Variants in PODNL1 observed in about 807,000 individuals in gnomAD.
PODNL1 encodes the protein podocan like 1.
A neutral mutation model predicts 45.1 loss-of-function variants in PODNL1; 50 were observed. That is an observed-to-expected ratio of 1.11 (90% CI 0.88 to 1.40). PODNL1 has a LOEUF of 1.40. Among genes scored for constraint, PODNL1 ranks in the 40% most tolerant of loss-of-function variants. The probability of loss-of-function intolerance (pLI) is 0.00; values close to 1 mark genes in which losing one functional copy is unlikely to be tolerated. For synonymous variants in PODNL1, 406 were observed against 372.5 expected, an observed-to-expected ratio of 1.09 and a Z score of -1.04; for missense variants, 788 against 793.3, an observed-to-expected ratio of 0.99 and a Z score of 0.08.
At chr19:13,934,093 A>G in intron 6 of PODNL1, 100 bp from the exon 7 acceptor site, 1 of 1,388,568 alleles carries the variant, frequency 7.2e-7, no homozygotes, top group Non-Finnish European at 9.9e-7. Context: ...GCTTGCCTTG[A>G]GCTCAAAGCG....
chr19:13,936,447 T>C lies in PODNL1; in HGVS notation c.239A>G (p.Gln80Arg). ...GGACAGCTCATTGTAGGGGAGTTCC[T>C]GGAGCTGGTTGTTCTGCAGGGTGAG... ...QHLSLQNNQL[Q>R]ELPYNELSRL... Residue 80 changes from glutamine (Q) to arginine (R), a missense_variant, in exon 3 of 10, where the codon CAG (glutamine) becomes CGG (arginine). Gln to Arg is a conservative substitution (Grantham distance 43). Around this residue, in one of 3 missense-constraint regions of PODNL1, gnomAD observed 762 missense variants for 750.9 expected, o/e 1.01. Transcript: ENST00000588872. 6.2e-7 allele frequency: 1 copy of C among 1,613,174 alleles called. No homozygotes were observed. The highest frequency in any genetic ancestry group is 1.7e-5 in the Admixed American group (1 of 59,970).
intron 1 of PODNL1, among the ~76,000 whole-genome samples, chr19:13,948,202 T>C (rs977209385): frequency 6.4e-5 from 9 of 140,042 alleles, no homozygotes; most frequent in Non-Finnish European, 1.2e-4. Context: ...TCTTTTCTTT[T>C]CTTTTTTTTT....
At chr19:13,939,365 C>T (rs1461946155), upstream of PODNL1, among the ~76,000 whole-genome samples, 1 of 152,170 alleles carries the variant, frequency 6.6e-6, no homozygotes, top group Non-Finnish European at 1.5e-5. Context: ...GCGCCTCCCA[C>T]CATGCCCAGC....
At chr19:13,953,222 A>G (rs1287238651) in exon 1 of PODNL1, 1 of 1,309,046 alleles carries the variant, frequency 7.6e-7, no homozygotes, top group Non-Finnish European at 1.0e-6. Context: ...CCTCCATCAG[A>G]CTGGAAACTC....
At chr19:13,938,884 A>AG (rs966766872), upstream of PODNL1, among the ~76,000 whole-genome samples, 2 of 152,094 alleles carry the variant, frequency 1.3e-5, no homozygotes, top group African/African-American at 2.4e-5. Context: ...GCCACCTCTC[A>AG]GGGCCTTGGT....
At chr19:13,938,452 C>T, upstream of PODNL1, 2 of 1,277,992 alleles carry the variant, frequency 1.6e-6, no homozygotes, top group Non-Finnish European at 2.0e-6. Flanking sequence ...CACCCCATCT[C>T]TGCTTTCGTA....
chr19:13,936,081 C>T (rs1270072166), intron 3 of PODNL1, 37 bp from the exon 4 acceptor site: 6 of 1,522,408 alleles, frequency 3.9e-6, no homozygotes, highest in Admixed American at 2.0e-5. Flanking sequence ...GACCCCAGGC[C>T]TGTCTTGGGT....
At chr19:13,935,257 C>T (rs1972263965) in intron 5 of PODNL1, among the ~76,000 whole-genome samples, 1 of 152,078 alleles carries the variant, frequency 6.6e-6, no homozygotes, top group Non-Finnish European at 1.5e-5. Flanking sequence ...AGAACTATGC[C>T]CTCTTCCCAC....
At chr19:13,950,106 G>A (rs1029987378) in intron 1 of PODNL1, among the ~76,000 whole-genome samples, 9 of 151,572 alleles carry the variant, frequency 5.9e-5, no homozygotes, top group Admixed American at 5.9e-4. Flanking sequence ...ATGACCTTGT[G>A]ATCTGCCCAC....
Position 13,931,664 on chromosome 19 carries a change from G to T in PODNL1, c.*73C>A, listed in dbSNP as rs1971946109. The T allele has an allele frequency of 8.2e-7, 1 of 1,225,370 alleles. No individual in the cohort carries two copies. Among genetic ancestry groups the T allele is most frequent in the Non-Finnish European group, 1.0e-6 (1 of 982,776 alleles). The allele number at this position is 1,225,370 out of a possible 1,614,324, so 75.9% of individuals were successfully genotyped here. On this transcript the variant is annotated 3_prime_UTR_variant, in exon 10 of 10. Coordinates refer to ENST00000588872, the MANE Select transcript of PODNL1 (RefSeq NM_001370095.3). ...GAGAGCCAGACCAAGGGCCCCTGGT[G>T]GGCGTTGTCTCCTCAGTCCACGGCC... is the stretch of plus-strand genomic sequence containing the variant.
chr19:13,931,871 T>G lies in PODNL1; in HGVS notation c.1591A>C (p.Met531Leu), dbSNP rs1435419117. The G allele has an allele frequency of 8.1e-7, 1 of 1,231,912 alleles. No individual in the cohort carries two copies. The highest frequency in any genetic ancestry group is 4.2e-5 in the Admixed American group (1 of 23,708). 76.3% of individuals were successfully genotyped at this position (1,231,912 alleles called of 1,614,324 possible). Reference sequence around the variant, plus strand: ...AAGGCCTCAGCCGCGATGCTCGTCATGTGAAGCCTGTTGGCCCTGCACAGA... The same window carrying G: ...AAGGCCTCAGCCGCGATGCTCGTCAGGTGAAGCCTGTTGGCCCTGCACAGA... ...ALFLRANRLH[M>L]TSIAAEAFLG... is the part of the protein sequence containing the mutation. Residue 531 changes from methionine to leucine, a missense_variant, in exon 10 of 10, where the codon ATG becomes CTG. Around this residue, in one of 3 missense-constraint regions of PODNL1, gnomAD observed 762 missense variants for 750.9 expected, o/e 1.01. Coordinates refer to ENST00000588872, the MANE Select transcript of PODNL1 (RefSeq NM_001370095.3).
In PODNL1 at chr19:13,937,961, C is replaced by T. The variant is rs376555807; in HGVS notation, c.49G>A (p.Val17Ile). ...LLLLLPGPPP[V>I]AGLEDAAFPH... The stretch of plus-strand genomic sequence containing the variant: ...AAGGCAGCGTCTTCCAAGCCGGCGA[C>T]GGGCGGGGGCCCCGGCAACAGCAGG... Residue 17 changes from valine (V) to isoleucine (I), a missense_variant, in exon 2 of 10, where the codon GTC becomes ATC. Physicochemically the swap from Val to Ile is conservative, Grantham distance 29. This residue lies in a region of PODNL1 where 762 missense variants were observed against 750.9 expected (regional missense o/e 1.01). Coordinates refer to ENST00000588872, the MANE Select transcript of PODNL1 (RefSeq NM_001370095.3). 586 of 1,541,568 alleles carry T rather than the reference C, an allele frequency of 3.8e-4. No homozygotes were observed. Among genetic ancestry groups the T allele is most frequent in the Middle Eastern group, 2.0e-3 (12 of 5,910 alleles).
chr19:13,947,913 C>T (rs1972874296), intron 1 of PODNL1, among the ~76,000 whole-genome samples: 1 of 152,124 alleles, frequency 6.6e-6, no homozygotes. Context: ...GGCTGAAGTG[C>T]AGTGGTGCGA....
Position 13,948,267 on chromosome 19 carries a change from C to T in PODNL1, c.18+4852G>A, listed in dbSNP as rs540289178. 2.8e-3 allele frequency among the ~76,000 whole-genome samples: 429 copies of T among 150,756 alleles called. 3 individuals are homozygous for T. The highest frequency in any genetic ancestry group is 9.9e-3 in the African/African-American group (405 of 41,048). On this transcript the variant is annotated intron_variant, in intron 1 of 7. Transcript: ENST00000538371. ...AGGTTGGAGTGCAGTGGCGCAATCT[C>T]GGCTCACTGCAAGCTCTCTGCCTCC... is the stretch of plus-strand genomic sequence containing the variant.
chr19:13,943,996 A>T (rs910081625), intron 1 of PODNL1, among the ~76,000 whole-genome samples: 1 of 152,112 alleles, frequency 6.6e-6, no homozygotes, highest in Non-Finnish European at 1.5e-5. Context: ...TGGGAAAAAA[A>T]ATTGCAGAAT....
At chr19:13,943,588 A>G (rs1005843099) in intron 1 of PODNL1, among the ~76,000 whole-genome samples, 3 of 151,980 alleles carry the variant, frequency 2.0e-5, no homozygotes, top group Admixed American at 1.3e-4. Flanking sequence ...CAGCCTCCCA[A>G]TTAGCTGGGA....
At chr19:13,934,794 T>C (rs1353699376) in intron 5 of PODNL1, among the ~76,000 whole-genome samples, 1 of 151,966 alleles carries the variant, frequency 6.6e-6, no homozygotes, top group Non-Finnish European at 1.5e-5. Flanking sequence ...TGGGTGAGTG[T>C]GTGCATGTGA....
At chr19:13,946,207 G>A (rs758519575) in intron 1 of PODNL1, among the ~76,000 whole-genome samples, 4 of 151,926 alleles carry the variant, frequency 2.6e-5, no homozygotes, top group Non-Finnish European at 5.9e-5. Context: ...CGAGGTGGGC[G>A]GATCACGAGG....
chr19:13,941,296 C>G (rs1167764606), upstream of PODNL1, among the ~76,000 whole-genome samples: 4 of 144,650 alleles, frequency 2.8e-5, no homozygotes, highest in Non-Finnish European at 6.0e-5. Context: ...AACCTGAGAG[C>G]TGGAGGCTGC....
Sources: allele counts gnomAD v4.1 joint callset (sites outside exome capture counted in the v4.1 genomes callset), GRCh38; gene constraint gnomAD v4.1.1; regional missense constraint gnomAD v4.1.1; transcripts MANE v1.5; gene names NCBI Gene and HGNC (gene_info 2026-07-23, HGNC 2026-07-21).